Variants in PRKG1 observed in about 807,000 individuals in gnomAD.
The protein encoded by PRKG1 is protein kinase cGMP-dependent 1.
A neutral mutation model predicts 88.1 loss-of-function variants in PRKG1; 35 were observed. The observed-to-expected ratio is 0.40, with a 90% CI of 0.30 to 0.53. The LOEUF (loss-of-function observed/expected upper bound fraction) is 0.53. Ranked by LOEUF, PRKG1 falls within the 20% of genes least tolerant of loss-of-function variation. The pLI is 0.59. For synonymous variants in PRKG1, 303 were observed against 292.5 expected (o/e 1.04, Z -0.37); for missense variants, 540 against 839.8 (o/e 0.64, Z 4.41).
In PRKG1 at chr10:52,211,112, G is replaced by T. The variant is rs186728580; in HGVS notation, c.1077-40458G>T. 4.6e-3 allele frequency among the ~76,000 whole-genome samples: 702 copies of T among 152,246 alleles called. 4 individuals carry two copies. The highest frequency in any genetic ancestry group is 0.016 in the African/African-American group (657 of 41,560). On this transcript the variant is annotated intron_variant, in intron 9 of 17. Coordinates refer to ENST00000373980, the MANE Select transcript of PRKG1 (RefSeq NM_006258.4). ...ACACTTCACTTTTTAAGAGAAAGAA[G>T]CAAGTATCATCCAAATCAGTTATCG...
chr10:51,408,474 G>A (rs922002247), intron 2 of PRKG1, among the ~76,000 whole-genome samples: 10 of 152,224 alleles, frequency 6.6e-5, no homozygotes, highest in Non-Finnish European at 1.3e-4. Context: ...AGCATTGCAT[G>A]TAGGACAGGC....
intron 4 of PRKG1, among the ~76,000 whole-genome samples, chr10:51,884,175 G>A (rs913841495): frequency 3.3e-5 from 5 of 151,716 alleles, no homozygotes; most frequent in Non-Finnish European, 7.4e-5. Flanking sequence ...GGCCGGGCGC[G>A]GTGGCTCACG....
At chr10:52,051,076 T>A (rs892881468) in intron 5 of PRKG1, among the ~76,000 whole-genome samples, 1 of 152,170 alleles carries the variant, frequency 6.6e-6, no homozygotes, top group Non-Finnish European at 1.5e-5. Context: ...ACGAATGGCC[T>A]CAAAATGTCA....
At chr10:51,859,674 C>T (rs1258043539) in intron 4 of PRKG1, among the ~76,000 whole-genome samples, 2 of 152,094 alleles carry the variant, frequency 1.3e-5, no homozygotes, top group African/African-American at 4.8e-5. Context: ...AATGTTCTTA[C>T]CACCCTACTC....
At chr10:51,100,255 C>G (rs1564599946) in intron 1 of PRKG1, among the ~76,000 whole-genome samples, 1 of 151,958 alleles carries the variant, frequency 6.6e-6, no homozygotes, top group African/African-American at 2.4e-5. Context: ...AATAGGGAGG[C>G]CTTAGGAAGG....
At chr10:51,769,936 G>C (rs1838260418) in intron 3 of PRKG1, among the ~76,000 whole-genome samples, 1 of 152,224 alleles carries the variant, frequency 6.6e-6, no homozygotes, top group Non-Finnish European at 1.5e-5. Context: ...CACATTTAAA[G>C]TCATCCTGGG....
At position 52,282,248 on chromosome 10, in the gene PRKG1, C is replaced by T. The variant is rs1842017879; in HGVS notation, c.1641C>T (p.Asn547=). Residue 547 remains asparagine, a synonymous_variant, in exon 14 of 18, where the codon AAC becomes AAT. Transcript: ENST00000373980. The part of the protein sequence containing the change: ...PEYVAPEIIL[N]KGHDISADYW... ...ATGTAGCCCCAGAGATCATCCTGAA[C>T]AAAGGCCATGACATTTCAGCCGACT... 2 of 1,611,932 alleles carry T rather than the reference C, an allele frequency of 1.2e-6. No homozygotes were observed. Among genetic ancestry groups the T allele is most frequent in the South Asian group, 1.1e-5 (1 of 90,818 alleles).
chr10:51,831,788 A>G (rs1840011563), intron 4 of PRKG1, among the ~76,000 whole-genome samples: 3 of 152,306 alleles, frequency 2.0e-5, no homozygotes, highest in Admixed American at 6.5e-5. Context: ...TGCTTCTTCC[A>G]TATACATTGA....
intron 1 of PRKG1, among the ~76,000 whole-genome samples, chr10:51,099,384 G>GACACACACACAC (rs71459403): frequency 0.013 from 1,873 of 148,872 alleles, 18 homozygotes; most frequent in African/African-American, 0.021. Flanking sequence ...CAGCATTCAA[G>GACACACACACAC]ACACACACAC....
intron 14 of PRKG1, among the ~76,000 whole-genome samples, chr10:52,285,445 A>G (rs1224099879): frequency 1.3e-5 from 2 of 152,142 alleles, no homozygotes; most frequent in Non-Finnish European, 2.9e-5. Context: ...GGAAACAGCC[A>G]TGATGAAACT....
intron 2 of PRKG1, among the ~76,000 whole-genome samples, chr10:51,413,428 C>T (rs1334928901): frequency 1.3e-5 from 2 of 151,848 alleles, no homozygotes; most frequent in South Asian, 2.1e-4. Flanking sequence ...TGCAATGGCA[C>T]GATCACTGCA....
chr10:52,100,107 A>C (rs1460924839), intron 7 of PRKG1, among the ~76,000 whole-genome samples: 2 of 152,140 alleles, frequency 1.3e-5, no homozygotes, highest in Non-Finnish European at 2.9e-5. Flanking sequence ...GACAGCAATG[A>C]ATTCAGTGAG....
At chr10:51,039,741 G>A (rs562125549) in intron 1 of PRKG1, among the ~76,000 whole-genome samples, 2 of 152,242 alleles carry the variant, frequency 1.3e-5, no homozygotes, top group Middle Eastern at 6.8e-3. Context: ...TTACATTTAA[G>A]TCCTTAATTC....
chr10:51,109,371 T>A (rs542278483), intron 1 of PRKG1, among the ~76,000 whole-genome samples: 1 of 152,026 alleles, frequency 6.6e-6, no homozygotes, highest in East Asian at 1.9e-4. Context: ...GGCATAAATA[T>A]AGGCAAATAG....
chr10:52,198,681 A>T (rs1839575313), intron 9 of PRKG1, among the ~76,000 whole-genome samples: 1 of 152,042 alleles, frequency 6.6e-6, no homozygotes, highest in Admixed American at 6.6e-5. Flanking sequence ...TCAGAAGCAC[A>T]CTTCTTCTGT....
chr10:51,666,626 C>T (rs545892115), intron 3 of PRKG1, among the ~76,000 whole-genome samples: 3 of 152,242 alleles, frequency 2.0e-5, no homozygotes, highest in African/African-American at 7.2e-5. Context: ...TAGTTCTGAG[C>T]TTTGCCAGAA....
chr10:51,390,223 C>G (rs1837361524), intron 2 of PRKG1, among the ~76,000 whole-genome samples: 1 of 152,224 alleles, frequency 6.6e-6, no homozygotes, highest in South Asian at 2.1e-4. Flanking sequence ...GGCTTTATAT[C>G]TGAAATGACT....
At chr10:51,400,242 TA>T (rs1289142024) in intron 2 of PRKG1, among the ~76,000 whole-genome samples, 2 of 152,054 alleles carry the variant, frequency 1.3e-5, no homozygotes, top group East Asian at 3.9e-4. Flanking sequence ...AATAAATAAA[TA>T]AATAAACAAG....
intron 2 of PRKG1, among the ~76,000 whole-genome samples, chr10:51,340,204 T>A (rs187265803): frequency 2.1e-3 from 317 of 152,272 alleles, no homozygotes; most frequent in African/African-American, 7.4e-3. Flanking sequence ...TTTTATGTAT[T>A]AAGAAATTCT....
Sources: allele counts gnomAD v4.1 joint callset (sites outside exome capture counted in the v4.1 genomes callset), GRCh38; gene constraint gnomAD v4.1.1; transcripts MANE v1.5; gene names NCBI Gene and HGNC (gene_info 2026-07-23, HGNC 2026-07-21).